NLGN4X: variants seen among roughly 807,000 people sequenced by gnomAD.
The protein encoded by NLGN4X is neuroligin 4 X-linked.
A neutral mutation model predicts 40.3 loss-of-function variants in NLGN4X; 3 were observed. That is an observed-to-expected ratio of 0.07 (90% confidence interval 0.03 to 0.19). The LOEUF (loss-of-function observed/expected upper bound fraction) is 0.19, where lower values mean the gene tolerates loss of function less well. Among genes scored for constraint, NLGN4X ranks in the 10% least tolerant of loss-of-function variants. NLGN4X has a pLI of 1.00. For missense variants in NLGN4X, 382 were observed against 708.3 expected, an observed-to-expected ratio of 0.54 and a Z score of 5.23; for synonymous variants, 270 against 306.8, an observed-to-expected ratio of 0.88 and a Z score of 1.25.
chrX:6,130,205 TC>T (rs2039651279), intron 2 of NLGN4X, among the ~76,000 whole-genome samples: 1 of 111,874 alleles, frequency 8.9e-6, no homozygotes. Flanking sequence ...TTTAAAATAT[TC>T]CCCATGCTCC....
intron 2 of NLGN4X, among the ~76,000 whole-genome samples, chrX:6,054,487 G>A (rs2037569553): frequency 9.1e-6 from 1 of 110,378 alleles, no homozygotes; most frequent in African/African-American, 3.3e-5. Flanking sequence ...AGGTGTAGTG[G>A]TGCATGCCTG....
intron 4 of NLGN4X, among the ~76,000 whole-genome samples, chrX:5,906,790 A>T (rs1006627060): frequency 8.9e-6 from 1 of 111,847 alleles, no homozygotes; most frequent in Non-Finnish European, 1.9e-5. Flanking sequence ...CTGGGATAAC[A>T]GCCATGAGCC....
chrX:6,017,333 C>G (rs1205498285), intron 3 of NLGN4X, among the ~76,000 whole-genome samples: 1 of 111,607 alleles, frequency 9.0e-6, no homozygotes, highest in Non-Finnish European at 1.9e-5. Flanking sequence ...TCATTTCTTT[C>G]AAGATGAGAA....
At chrX:6,210,097 T>C (rs1483952727) in intron 1 of NLGN4X, among the ~76,000 whole-genome samples, 1 of 111,526 alleles carries the variant, frequency 9.0e-6, no homozygotes, top group Non-Finnish European at 1.9e-5. Flanking sequence ...CAAGCAATCC[T>C]CCCTCTTTGG....
intron 3 of NLGN4X, among the ~76,000 whole-genome samples, chrX:5,937,777 A>G (rs1042429421): frequency 2.6e-4 from 29 of 111,682 alleles, no homozygotes; most frequent in African/African-American, 6.5e-4. Context: ...ACATAATACA[A>G]TTTTGTGGCT....
At chrX:6,051,687 C>T (rs1441487131) in intron 2 of NLGN4X, among the ~76,000 whole-genome samples, 1 of 110,941 alleles carries the variant, frequency 9.0e-6, no homozygotes, top group Non-Finnish European at 1.9e-5. Flanking sequence ...GAATATATTT[C>T]TGTTGTTGTA....
chrX:6,106,550 A>G (rs1320027054), intron 2 of NLGN4X, among the ~76,000 whole-genome samples: 2 of 111,221 alleles, frequency 1.8e-5, no homozygotes, highest in African/African-American at 3.3e-5. Flanking sequence ...CCCATCCCCA[A>G]CCGAAACTCT....
At chrX:6,047,408 C>T (rs2037355315) in intron 2 of NLGN4X, among the ~76,000 whole-genome samples, 1 of 111,478 alleles carries the variant, frequency 9.0e-6, no homozygotes, top group African/African-American at 3.3e-5. Context: ...AGCCCGGGAC[C>T]AAGGCTGCAG....
intron 2 of NLGN4X, among the ~76,000 whole-genome samples, chrX:6,050,074 G>A (rs1315762869): frequency 1.8e-5 from 2 of 111,901 alleles, no homozygotes; most frequent in Non-Finnish European, 3.8e-5. Context: ...CCACTTCAGA[G>A]CCACAGAATG....
At chrX:6,100,624 A>G (rs1004009747) in intron 2 of NLGN4X, among the ~76,000 whole-genome samples, 1 of 111,833 alleles carries the variant, frequency 8.9e-6, no homozygotes, top group African/African-American at 3.2e-5. Context: ...ATCTGTCTCA[A>G]TGAGTGGGAA....
At chrX:6,051,498 G>A (rs1407482785) in intron 2 of NLGN4X, among the ~76,000 whole-genome samples, 1 of 110,868 alleles carries the variant, frequency 9.0e-6, no homozygotes, top group Non-Finnish European at 1.9e-5. Context: ...GAGAGAAGAA[G>A]GCCTTGTAAA....
chrX:5,901,711 AATATC>A (rs902298251), intron 5 of NLGN4X, among the ~76,000 whole-genome samples: 5 of 109,733 alleles, frequency 4.6e-5, no homozygotes, highest in Non-Finnish European at 9.5e-5. Flanking sequence ...ATATGATACA[AATATC>A]ATATATTTTC....
intron 1 of NLGN4X, among the ~76,000 whole-genome samples, chrX:6,160,644 C>T (rs2040365845): frequency 9.3e-6 from 1 of 108,088 alleles, no homozygotes; most frequent in Admixed American, 1.0e-4. Context: ...GCCTCAGCCT[C>T]CTGAGTAGCC....
chrX:6,150,754 T>C (rs1427747920), intron 2 of NLGN4X, among the ~76,000 whole-genome samples: 1 of 112,338 alleles, frequency 8.9e-6, no homozygotes. Context: ...AAGAAGGCAA[T>C]ATATGAAAAT....
intron 1 of NLGN4X, among the ~76,000 whole-genome samples, chrX:6,205,148 A>G (rs1048809942): frequency 2.7e-5 from 3 of 112,322 alleles, no homozygotes; most frequent in African/African-American, 3.2e-5. Flanking sequence ...CATCATTGGG[A>G]AGACCTTTCA....
chrX:6,223,823 G>A (rs536030282), intron 1 of NLGN4X, among the ~76,000 whole-genome samples: 1 of 112,643 alleles, frequency 8.9e-6, no homozygotes, highest in Admixed American at 9.4e-5. Context: ...AATCAGTGGT[G>A]GCTATTCAAA....
chrX:6,020,086 A>G (rs6638590), intron 3 of NLGN4X, among the ~76,000 whole-genome samples: 38,208 of 110,845 alleles, frequency 0.34, 5,438 homozygotes, highest in East Asian at 0.77. Flanking sequence ...GACAGATGCC[A>G]GATGATAATT....
chrX:5,927,147 T>C (rs1236355071), intron 3 of NLGN4X, among the ~76,000 whole-genome samples: 1 of 111,921 alleles, frequency 8.9e-6, no homozygotes, highest in East Asian at 2.8e-4. Flanking sequence ...AATGCAGATA[T>C]ATTGTTTTGG....
chrX:6,133,380 C>T (rs752995836), intron 2 of NLGN4X, among the ~76,000 whole-genome samples: 1 of 112,173 alleles, frequency 8.9e-6, no homozygotes, highest in Admixed American at 9.5e-5. Flanking sequence ...TGCACACACA[C>T]CTCCTAATTT....
Sources: allele counts gnomAD v4.1 joint callset (sites outside exome capture counted in the v4.1 genomes callset), GRCh38; gene constraint gnomAD v4.1.1; transcripts MANE v1.5; gene names NCBI Gene and HGNC (gene_info 2026-07-23, HGNC 2026-07-21).